The following ZCCHC24 variants were observed in gnomAD, a reference collection of about 807,000 sequenced individuals.
ZCCHC24 encodes the protein zinc finger CCHC domain-containing protein 24.
A neutral mutation model predicts 26.2 loss-of-function variants in ZCCHC24; 10 were observed. The observed-to-expected ratio is 0.38, with a 90% CI of 0.24 to 0.65. ZCCHC24 has a LOEUF of 0.65. Among genes scored for constraint, ZCCHC24 ranks in the 30% least tolerant of loss-of-function variants. The pLI is 0.54. For synonymous variants in ZCCHC24, 144 were observed against 147.1 expected, an observed-to-expected ratio of 0.98 and a Z score of 0.15; for missense variants, 243 against 329.1, an observed-to-expected ratio of 0.74 and a Z score of 2.03.
At chr10:79,390,578 C>G (rs76858666) in intron 3 of ZCCHC24, among the ~76,000 whole-genome samples, 2 of 152,204 alleles carry the variant, frequency 1.3e-5, no homozygotes, top group African/African-American at 4.8e-5. Flanking sequence ...TCTGTGGGCA[C>G]GGGCTCTGGC....
chr10:79,427,883 A>C (rs989375505), intron 2 of ZCCHC24, among the ~76,000 whole-genome samples: 1 of 152,174 alleles, frequency 6.6e-6, no homozygotes, highest in Non-Finnish European at 1.5e-5. Flanking sequence ...TGTCTCCATA[A>C]AAAGAGGAAG....
At chr10:79,417,094 C>T (rs75849051) in intron 2 of ZCCHC24, among the ~76,000 whole-genome samples, 10 of 152,268 alleles carry the variant, frequency 6.6e-5, no homozygotes, top group African/African-American at 1.4e-4. Flanking sequence ...TCCCCCTCCC[C>T]GGGATCACAA....
At position 79,436,067 on chromosome 10, in the gene ZCCHC24, C is replaced by T. The variant is rs535635872; in HGVS notation, c.247-3309G>A. Among the ~76,000 whole-genome samples, 7 of 152,314 alleles carry T rather than the reference C, an allele frequency of 4.6e-5. No individual in the cohort carries two copies. In the East Asian group the frequency reaches 7.7e-4, roughly 17 times the overall value. Reference sequence around the variant, plus strand: ...GTCCAGACACCCGGGTCCTGAGAGACGCCCCTGGAGCCTGGCATGCAGAGG... The same window carrying T: ...GTCCAGACACCCGGGTCCTGAGAGATGCCCCTGGAGCCTGGCATGCAGAGG... On this transcript the variant is annotated intron_variant, in intron 1 of 3. Transcript: ENST00000372336.
chr10:79,442,534 G>A (rs1361349253), intron 1 of ZCCHC24, among the ~76,000 whole-genome samples: 1 of 152,228 alleles, frequency 6.6e-6, no homozygotes, highest in African/African-American at 2.4e-5. Flanking sequence ...GGTGCAGGAG[G>A]GGGTGGGCTC....
At chr10:79,424,798 T>C (rs1315194776) in intron 2 of ZCCHC24, among the ~76,000 whole-genome samples, 1 of 152,186 alleles carries the variant, frequency 6.6e-6, no homozygotes, top group East Asian at 1.9e-4. Flanking sequence ...GGGCTCACAG[T>C]GCCCGGAAAG....
At chr10:79,426,677 A>G (rs1857032848) in intron 2 of ZCCHC24, among the ~76,000 whole-genome samples, 2 of 152,252 alleles carry the variant, frequency 1.3e-5, no homozygotes, top group South Asian at 4.1e-4. Flanking sequence ...AATAACTCAC[A>G]AAACATAGTG....
At position 79,442,031 on chromosome 10, in the gene ZCCHC24, G is replaced by A. The variant is rs149993863; in HGVS notation, c.246+3164C>T. Among the ~76,000 whole-genome samples, 13 of 152,326 alleles carry A rather than the reference G, an allele frequency of 8.5e-5. No individual in the cohort carries two copies. In the East Asian group the frequency reaches 1.7e-3, roughly 20 times the overall value. ...TAAGTTCCAAACAAGACTTGGCAGG[G>A]AAGACCCCATGCAGCCCAGCCCCTA... On this transcript the variant is annotated intron_variant, in intron 1 of 3. Coordinates refer to ENST00000372336, the MANE Select transcript of ZCCHC24 (RefSeq NM_153367.4).
rs183850381 is a variant in ZCCHC24 at position 79,441,276 on chromosome 10, C to T, written c.246+3919G>A. ...TCTGTTGAGGGCACATCCAAACCCT[C>T]GGAAAACTGTCAAGACTGGGGCCTT... On this transcript the variant is annotated intron_variant, in intron 1 of 3. Transcript: ENST00000372336. Among the ~76,000 whole-genome samples, 400 of 152,242 alleles carry T rather than the reference C, an allele frequency of 2.6e-3. 3 individuals are homozygous for T. In the Middle Eastern group the frequency reaches 0.031, roughly 12 times the overall value.
chr10:79,384,591 T>A lies in ZCCHC24; in HGVS notation c.*1754A>T, dbSNP rs952377797. 6.6e-6 allele frequency: 1 copy of A among 152,514 alleles called. No homozygotes were observed. The highest frequency in any genetic ancestry group is 2.4e-5 in the African/African-American group (1 of 41,432). 9.4% of individuals were successfully genotyped at this position (152,514 alleles called of 1,614,324 possible). A position where few individuals can be genotyped will look rare whatever the true frequency, so the allele number is the denominator to read the frequency against. On this transcript the variant is annotated 3_prime_UTR_variant, in exon 4 of 4. Transcript: ENST00000372336. ...GCCTGGCCTGGAGCAAATACCTTTTTTAAGTGCTCAGAGGGTATGGCCCCT... is the reference window on the plus strand; with the variant it reads ...GCCTGGCCTGGAGCAAATACCTTTTATAAGTGCTCAGAGGGTATGGCCCCT...
At chr10:79,426,641 G>T (rs1857032407) in intron 2 of ZCCHC24, among the ~76,000 whole-genome samples, 2 of 151,948 alleles carry the variant, frequency 1.3e-5, no homozygotes, top group Admixed American at 1.3e-4. Context: ...CAATGTATAA[G>T]ATAAGCCCTA....
intron 3 of ZCCHC24, among the ~76,000 whole-genome samples, chr10:79,393,250 C>T (rs77961477): frequency 0.025 from 3,879 of 152,360 alleles, 91 homozygotes; most frequent in Non-Finnish European, 0.04. Flanking sequence ...TAACTGCCTT[C>T]TTGACATCTC....
At chr10:79,425,853 T>A (rs749902947) in intron 2 of ZCCHC24, among the ~76,000 whole-genome samples, 1 of 151,408 alleles carries the variant, frequency 6.6e-6, no homozygotes, top group Non-Finnish European at 1.5e-5. Context: ...CAATAGCAGC[T>A]GTTTTTTCAA....
At chr10:79,441,440 T>C (rs188819324) in intron 1 of ZCCHC24, among the ~76,000 whole-genome samples, 192 of 152,238 alleles carry the variant, frequency 1.3e-3, no homozygotes, top group Non-Finnish European at 2.2e-3. Flanking sequence ...TGGGTAGACC[T>C]GAGCAGCAAA....
At chr10:79,435,669 T>C (rs1857206238) in intron 1 of ZCCHC24, among the ~76,000 whole-genome samples, 1 of 152,166 alleles carries the variant, frequency 6.6e-6, no homozygotes, top group Non-Finnish European at 1.5e-5. Flanking sequence ...CCCTACCTCA[T>C]TCCCACATGA....
chr10:79,415,479 C>T (rs879689273), intron 2 of ZCCHC24, among the ~76,000 whole-genome samples: 6 of 152,174 alleles, frequency 3.9e-5, no homozygotes, highest in Admixed American at 1.3e-4. Context: ...TCAGTTGGGA[C>T]GTTGCTTCTT....
At chr10:79,440,030 G>A (rs537777990) in intron 1 of ZCCHC24, among the ~76,000 whole-genome samples, 1 of 152,186 alleles carries the variant, frequency 6.6e-6, no homozygotes, top group East Asian at 1.9e-4. Context: ...GGGAGTGCTT[G>A]ATGTTTTCAA....
At chr10:79,390,910 G>A (rs1015219702) in intron 3 of ZCCHC24, among the ~76,000 whole-genome samples, 2 of 152,098 alleles carry the variant, frequency 1.3e-5, no homozygotes, top group African/African-American at 2.4e-5. Flanking sequence ...CCTCTCCACC[G>A]CGGGGCAACA....
chr10:79,437,694 A>C (rs17569419), intron 1 of ZCCHC24, among the ~76,000 whole-genome samples: 5,030 of 152,346 alleles, frequency 0.033, 129 homozygotes, highest in Middle Eastern at 0.092. Flanking sequence ...ATGAAGGACC[A>C]GTGTCTCTGC....
At chr10:79,401,057 C>T (rs1589662850) in intron 2 of ZCCHC24, among the ~76,000 whole-genome samples, 1 of 152,232 alleles carries the variant, frequency 6.6e-6, no homozygotes, top group East Asian at 1.9e-4. Context: ...GTTGTTGAGG[C>T]AGAGAATCAT....
Sources: gnomAD v4.1 joint callset for allele counts (sites outside exome capture counted in the v4.1 genomes callset) on GRCh38, gnomAD v4.1.1 for gene constraint, MANE v1.5 for transcripts, NCBI Gene and HGNC (gene_info 2026-07-23, HGNC 2026-07-21) for gene names.